LRMDA: variants seen among roughly 807,000 people sequenced by gnomAD.
The protein encoded by LRMDA is leucine rich melanocyte differentiation associated, also known as leucine-rich melanocyte differentiation-associated protein.
A neutral mutation model predicts 29.8 loss-of-function variants in LRMDA; 18 were observed. The observed-to-expected ratio is 0.60, with a 90% CI of 0.42 to 0.90. The LOEUF (loss-of-function observed/expected upper bound fraction) is 0.90, where lower values mean the gene tolerates loss of function less well. LRMDA is among the 40% of genes least tolerant of loss of function. The pLI is 0.00. For missense variants in LRMDA, 273 were observed against 273.9 expected, an observed-to-expected ratio of 1.00 and a Z score of 0.02; for synonymous variants, 125 against 109.4, an observed-to-expected ratio of 1.14 and a Z score of -0.89.
intron 2 of LRMDA, among the ~76,000 whole-genome samples, chr10:75,890,768 T>C (rs1683587295): frequency 1.3e-5 from 2 of 152,176 alleles, no homozygotes; most frequent in East Asian, 1.9e-4. Flanking sequence ...GCACATGGCA[T>C]GCTTGGCCCA....
chr10:75,825,564 G>A (rs547270091), intron 2 of LRMDA, among the ~76,000 whole-genome samples: 3 of 152,244 alleles, frequency 2.0e-5, no homozygotes, highest in South Asian at 4.2e-4. Flanking sequence ...GGGAGAGCCC[G>A]AGCTTACCAC....
chr10:75,963,331 G>A (rs564345091), intron 2 of LRMDA, among the ~76,000 whole-genome samples: 1 of 152,290 alleles, frequency 6.6e-6, no homozygotes, highest in East Asian at 1.9e-4. Context: ...CTGTATGAAT[G>A]TGTTGGTAAC....
At chr10:76,083,450 A>T (rs554095063) in intron 5 of LRMDA, among the ~76,000 whole-genome samples, 1 of 152,254 alleles carries the variant, frequency 6.6e-6, no homozygotes, top group African/African-American at 2.4e-5. Context: ...TGGGAACTAG[A>T]GTAAGCTATG....
chr10:76,311,931 C>A (rs1467194845), intron 5 of LRMDA, among the ~76,000 whole-genome samples: 1 of 152,152 alleles, frequency 6.6e-6, no homozygotes, highest in African/African-American at 2.4e-5. Flanking sequence ...GTTGGCTCTG[C>A]TTACACATAA....
chr10:75,801,263 TCA>T (rs1843739810), intron 2 of LRMDA, among the ~76,000 whole-genome samples: 2 of 152,248 alleles, frequency 1.3e-5, no homozygotes, highest in Non-Finnish European at 2.9e-5. Flanking sequence ...CCTCCCTCTG[TCA>T]CCTGTTCTGT....
intron 2 of LRMDA, among the ~76,000 whole-genome samples, chr10:75,749,627 T>C: frequency 6.9e-6 from 1 of 145,722 alleles, no homozygotes; most frequent in East Asian, 2.0e-4. Flanking sequence ...TATAGAAACT[T>C]TTTTTTTTTT....
At chr10:75,819,189 T>C (rs529224527) in intron 2 of LRMDA, among the ~76,000 whole-genome samples, 1 of 152,324 alleles carries the variant, frequency 6.6e-6, no homozygotes, top group East Asian at 1.9e-4. Flanking sequence ...AACAAACCTT[T>C]GTCTGTGGGA....
In LRMDA at chr10:75,442,630, G is replaced by C. The variant is rs994692828; in HGVS notation, c.131+4136G>C. 3.3e-5 allele frequency among the ~76,000 whole-genome samples: 5 copies of C among 152,198 alleles called. No individual in the cohort carries two copies. The East Asian group carries it at 9.6e-4, about 29-fold the overall frequency. On this transcript the variant is annotated intron_variant, in intron 2 of 6. Transcript: ENST00000611255. ...GGTCTATATGTCTGTTTTTATGTCGGTATGTATTGTTTTGATAATTATAGC... is the reference window on the plus strand; with the variant it reads ...GGTCTATATGTCTGTTTTTATGTCGCTATGTATTGTTTTGATAATTATAGC...
chr10:75,809,721 C>A (rs1843923220), intron 2 of LRMDA, among the ~76,000 whole-genome samples: 1 of 152,122 alleles, frequency 6.6e-6, no homozygotes, highest in South Asian at 2.1e-4. Flanking sequence ...GATAGACCAA[C>A]CAGTAGTCAC....
At chr10:76,268,715 G>A (rs1202231957) in intron 5 of LRMDA, among the ~76,000 whole-genome samples, 1 of 152,158 alleles carries the variant, frequency 6.6e-6, no homozygotes, top group East Asian at 1.9e-4. Context: ...GGGGATGTAG[G>A]CTTGTCAGTG....
chr10:76,210,524 G>T (rs1851616719), intron 5 of LRMDA, among the ~76,000 whole-genome samples: 1 of 152,164 alleles, frequency 6.6e-6, no homozygotes, highest in Non-Finnish European at 1.5e-5. Flanking sequence ...CATCAAGGAT[G>T]CTGAAATTGT....
At chr10:75,536,549 C>A (rs931529826) in intron 2 of LRMDA, among the ~76,000 whole-genome samples, 1 of 152,132 alleles carries the variant, frequency 6.6e-6, no homozygotes, top group African/African-American at 2.4e-5. Flanking sequence ...CCTGCTCCAC[C>A]CACTTGCTAT....
At chr10:76,120,387 C>G (rs1849764018) in intron 5 of LRMDA, among the ~76,000 whole-genome samples, 1 of 151,932 alleles carries the variant, frequency 6.6e-6, no homozygotes, top group Non-Finnish European at 1.5e-5. Context: ...AGGATTTTGC[C>G]ATGTTGGGCA....
At chr10:76,336,150 C>T (rs935068672) in intron 6 of LRMDA, among the ~76,000 whole-genome samples, 2 of 151,206 alleles carry the variant, frequency 1.3e-5, no homozygotes, top group African/African-American at 2.5e-5. Flanking sequence ...AGGACATGCT[C>T]ATCTCTCTTT....
At chr10:76,473,627 A>AG (rs1045916351) in intron 6 of LRMDA, among the ~76,000 whole-genome samples, 2 of 151,612 alleles carry the variant, frequency 1.3e-5, no homozygotes, top group African/African-American at 4.8e-5. Context: ...CTAAAAAAAA[A>AG]AAGAAAAAAG....
At chr10:75,434,130 G>C (rs894530031) in intron 1 of LRMDA, among the ~76,000 whole-genome samples, 4 of 152,130 alleles carry the variant, frequency 2.6e-5, no homozygotes, top group Admixed American at 6.5e-5. Context: ...TTATGACAAC[G>C]TAATACGATC....
chr10:75,833,501 A>G (rs955314858), intron 2 of LRMDA, among the ~76,000 whole-genome samples: 6 of 152,040 alleles, frequency 3.9e-5, no homozygotes, highest in African/African-American at 1.2e-4. Context: ...AATTTGCAAC[A>G]AACTTAGTGG....
At position 75,713,274 on chromosome 10, in the gene LRMDA, T is replaced by C. The variant is rs978308735; in HGVS notation, c.131+274780T>C. Among the ~76,000 whole-genome samples the C allele has an allele frequency of 1.7e-4, 26 of 152,378 alleles. No homozygotes were observed. In the East Asian group the frequency reaches 4.8e-3, roughly 28 times the overall value. On this transcript the variant is annotated intron_variant, in intron 2 of 6. Coordinates refer to ENST00000611255, the MANE Select transcript of LRMDA (RefSeq NM_001305581.2). ...TGGATCTTTAATGTATAGTATTGCA[T>C]ATTTTACAATAGATTTATTATTTAC...
intron 5 of LRMDA, among the ~76,000 whole-genome samples, chr10:76,235,195 A>G (rs1301945983): frequency 1.3e-5 from 2 of 152,084 alleles, no homozygotes; most frequent in Admixed American, 6.6e-5. Flanking sequence ...AGAGAGAGAG[A>G]GATGGGGAAA....
Sources: gnomAD v4.1 joint callset for allele counts (sites outside exome capture counted in the v4.1 genomes callset) on GRCh38, gnomAD v4.1.1 for gene constraint, MANE v1.5 for transcripts, NCBI Gene and HGNC (gene_info 2026-07-23, HGNC 2026-07-21) for gene names.